The following THBD variants were observed in gnomAD, a reference collection of about 807,000 sequenced individuals.
THBD encodes the protein CD141 antigen.
For missense variants in THBD, 850 were observed against 816.9 expected (o/e 1.04, Z -0.49); for synonymous variants, 449 against 374.2 (o/e 1.20, Z -2.31).
At position 23,047,768 on chromosome 20, in the gene THBD, G is replaced by A. The variant is rs765445275; in HGVS notation, c.*9C>T. The A allele has an allele frequency of 4.5e-6, 7 of 1,572,856 alleles. No individual in the cohort carries two copies. The highest frequency in any genetic ancestry group is 2.3e-5 in the South Asian group (2 of 86,450). ...CCTGGACGGAGCCAGGCTCCTGGAC[G>A]GAGGCCGCTCAGAGTCTCTGCGGCG... On this transcript the variant is annotated 3_prime_UTR_variant, in exon 1 of 1. Transcript: ENST00000377103.
chr20:23,048,596 C>T lies in THBD; in HGVS notation c.909G>A (p.Pro303=), dbSNP rs774593037. 25 of 1,598,754 alleles carry T rather than the reference C, an allele frequency of 1.6e-5. No homozygotes were observed. The highest frequency in any genetic ancestry group is 3.3e-5 in the Admixed American group (2 of 59,886). The change falls in exon 1 of 1, where the codon CCG becomes CCA. Residue 303 remains proline, a synonymous_variant. Coordinates refer to ENST00000377103, the MANE Select transcript of THBD (RefSeq NM_000361.3). ...EHFCVPNPDQ[P]GSYSCMCETG... ...TCTCGCACATGCACGAGTAGGAGCC[C>T]GGCTGGTCGGGGTTGGGAACGCAGA...
chr20:23,048,911 C>G lies in THBD; in HGVS notation c.594G>C (p.Ala198=), dbSNP rs1430635843. Residue 198 remains alanine (A), a synonymous_variant, in exon 1 of 1, where the codon GCG becomes GCC. Coordinates refer to ENST00000377103, the MANE Select transcript of THBD (RefSeq NM_000361.3). ...AVSITYGTPF[A]ARGADFQALP... ...GCGCCTGGAAGTCCGCTCCGCGGGC[C>G]GCGAACGGGGTGCCGTAGGTGATCG... The G allele has an allele frequency of 3.3e-6, 5 of 1,524,558 alleles. No individual in the cohort carries two copies. The highest frequency in any genetic ancestry group is 2.0e-5 in the Admixed American group (1 of 49,918). 94.4% of individuals were successfully genotyped at this position (1,524,558 alleles called of 1,614,324 possible).
rs1198531958 is a variant in THBD at position 23,045,981 on chromosome 20, G to A, written c.*1796C>T. 1.3e-5 allele frequency: 2 copies of A among 152,118 alleles called. No individual in the cohort carries two copies. The highest frequency in any genetic ancestry group is 2.9e-5 in the Non-Finnish European group (2 of 68,026). The allele number at this position is 152,118 out of a possible 1,614,324, so 9.4% of individuals were successfully genotyped here. Reference sequence around the variant, plus strand: ...GGCACTGAGGGAGGAAAAGTGAACAGACACACAACCCGAGAGCACATTGTT... The same window carrying A: ...GGCACTGAGGGAGGAAAAGTGAACAAACACACAACCCGAGAGCACATTGTT... On this transcript the variant is annotated 3_prime_UTR_variant, in exon 1 of 1. Coordinates refer to ENST00000377103, the MANE Select transcript of THBD (RefSeq NM_000361.3).
rs1984677711 is a variant in THBD, at chr20:23,049,311, G to A, written c.194C>T (p.Ser65Leu). ...CAAGGAAATGACATCGGCAGCCACCGAGGAGCGCACTGTCATTAGGTGGCC... is the reference window on the plus strand; with the variant it reads ...CAAGGAAATGACATCGGCAGCCACCAAGGAGCGCACTGTCATTAGGTGGCC... The part of the protein sequence containing the change: ...LRGHLMTVRS[S>L]VAADVISLLL... Residue 65 changes from serine (S) to leucine (L), a missense_variant, in exon 1 of 1, where the codon TCG (serine) becomes TTG (leucine). Ser to Leu is a moderately radical substitution (Grantham distance 145). Transcript: ENST00000377103. 1 of 1,404,158 alleles carries A rather than the reference G, an allele frequency of 7.1e-7. No individual in the cohort carries two copies. Among genetic ancestry groups the A allele is most frequent in the Non-Finnish European group, 9.5e-7 (1 of 1,051,280 alleles). 87.0% of individuals were successfully genotyped at this position (1,404,158 alleles called of 1,614,324 possible). A position where few individuals can be genotyped will look rare whatever the true frequency, so the allele number is the denominator to read the frequency against.
Position 23,049,533 on chromosome 20 carries a change from C to A in THBD, c.-29G>T. The A allele has an allele frequency of 6.5e-7, 1 of 1,532,312 alleles. No individual in the cohort carries two copies. The highest frequency in any genetic ancestry group is 1.2e-5 in the South Asian group (1 of 82,926). The allele number at this position is 1,532,312 out of a possible 1,614,324, so 94.9% of individuals were successfully genotyped here. On this transcript the variant is annotated 5_prime_UTR_variant, in exon 1 of 1. Coordinates refer to ENST00000377103, the MANE Select transcript of THBD (RefSeq NM_000361.3). ...ACCCAGGCGCGCCGCGTGCAGGCGC[C>A]GGGGAAAGCGCGGGCACTGCGACAG...
chr20:23,048,926 G>A lies in THBD; in HGVS notation c.579C>T (p.Tyr193=), dbSNP rs753421741. 11 of 1,536,274 alleles carry A rather than the reference G, an allele frequency of 7.2e-6. No homozygotes were observed. Among genetic ancestry groups the A allele is most frequent in the Admixed American group, 1.9e-5 (1 of 51,354 alleles). Residue 193 remains tyrosine (Y), a synonymous_variant, in exon 1 of 1, where the codon TAC becomes TAT. Coordinates refer to ENST00000377103, the MANE Select transcript of THBD (RefSeq NM_000361.3). Reference sequence around the variant, plus strand: ...CTCCGCGGGCCGCGAACGGGGTGCCGTAGGTGATCGAGACGGCGGCAGCCG... The same window carrying A: ...CTCCGCGGGCCGCGAACGGGGTGCCATAGGTGATCGAGACGGCGGCAGCCG... ...GAAAAAVSIT[Y]GTPFAARGAD...
chr20:23,049,263 A>G lies in THBD; in HGVS notation c.242T>C (p.Val81Ala). Reference sequence around the variant, plus strand: ...GCCGATCCAGAGGCGCCGGCGGCCAACGCCGCCGTCGCCGTTCAGTAGCAA... The same window carrying G: ...GCCGATCCAGAGGCGCCGGCGGCCAGCGCCGCCGTCGCCGTTCAGTAGCAA... ...ISLLLNGDGG[V>A]GRRRLWIGLQ... Residue 81 changes from valine to alanine, a missense_variant, in exon 1 of 1, where the codon GTT becomes GCT. Transcript: ENST00000377103. The G allele has an allele frequency of 7.0e-7, 1 of 1,431,042 alleles. No homozygotes were observed. The highest frequency in any genetic ancestry group is 9.3e-7 in the Non-Finnish European group (1 of 1,078,604). The allele number at this position is 1,431,042 out of a possible 1,614,324, so 88.6% of individuals were successfully genotyped here. A position where few individuals can be genotyped will look rare whatever the true frequency, so the allele number is the denominator to read the frequency against.
rs1226992689 is a variant in THBD at position 23,049,170 on chromosome 20, G to A, written c.335C>T (p.Thr112Met). 5 of 1,579,418 alleles carry A rather than the reference G, an allele frequency of 3.2e-6. No individual in the cohort carries two copies. Among genetic ancestry groups the A allele is most frequent in the East Asian group, 2.3e-5 (1 of 43,732 alleles). ...LGPLRGFQWV[T>M]GDNNTSYSRW... Reference sequence around the variant, plus strand: ...GCTATAGCTGGTGTTGTTGTCTCCCGTAACCCACTGGAAGCCGCGCAGGGG... The same window carrying A: ...GCTATAGCTGGTGTTGTTGTCTCCCATAACCCACTGGAAGCCGCGCAGGGG... The change falls in exon 1 of 1, where the codon ACG (threonine) becomes ATG (methionine). Residue 112 changes from threonine to methionine, a missense_variant. By Grantham distance (81) the Thr-to-Met change is moderately conservative. Transcript: ENST00000377103.
rs751668090 is a variant in THBD, at chr20:23,048,354, G to T, written c.1151C>A (p.Thr384Asn). Residue 384 changes from threonine (T) to asparagine (N), a missense_variant, in exon 1 of 1, where the codon ACT becomes AAT. Transcript: ENST00000377103. ...CEYQCQPLNQ[T>N]SYLCVCAEGF... ...CTCGGCGCAGACGCAGAGGTAGCTAGTTTGGTTCAGGGGCTGGCACTGGTA... is the reference window on the plus strand; with the variant it reads ...CTCGGCGCAGACGCAGAGGTAGCTATTTTGGTTCAGGGGCTGGCACTGGTA... The T allele has an allele frequency of 6.2e-7, 1 of 1,613,868 alleles. No homozygotes were observed. Among genetic ancestry groups the T allele is most frequent in the African/African-American group, 1.3e-5 (1 of 74,938 alleles).
At position 23,049,282 on chromosome 20, in the gene THBD, G is replaced by C; in HGVS notation, c.223C>G (p.Leu75Val). ...SVAADVISLL[L>V]NGDGGVGRRR... ...CGGCCAACGCCGCCGTCGCCGTTCA[G>C]TAGCAAGGAAATGACATCGGCAGCC... Residue 75 changes from leucine to valine, a missense_variant, in exon 1 of 1, where the codon CTG becomes GTG. By Grantham distance (32) the Leu-to-Val change is conservative. Transcript: ENST00000377103. The C allele has an allele frequency of 6.4e-7, 1 of 1,563,390 alleles. No individual in the cohort carries two copies.
rs1000711528 is a variant in THBD, at chr20:23,047,733, G to A, written c.*44C>T. 1 of 1,536,964 alleles carries A rather than the reference G, an allele frequency of 6.5e-7. No individual in the cohort carries two copies. Among genetic ancestry groups the A allele is most frequent in the Non-Finnish European group, 8.8e-7 (1 of 1,140,982 alleles). The stretch of plus-strand genomic sequence containing the variant: ...TTGGTAGCAAAGCTGGGGGTGAGGA[G>A]GCACAGGCTCCTGGACGGAGCCAGG... On this transcript the variant is annotated 3_prime_UTR_variant, in exon 1 of 1. Transcript: ENST00000377103.
rs775671453 is a variant in THBD at position 23,047,986 on chromosome 20, G to A, written c.1519C>T (p.Pro507Ser). 76 of 1,608,570 alleles carry A rather than the reference G, an allele frequency of 4.7e-5. No individual in the cohort carries two copies. Among genetic ancestry groups the A allele is most frequent in the Non-Finnish European group, 6.1e-5 (72 of 1,177,882 alleles). Residue 507 changes from proline to serine, a missense_variant, in exon 1 of 1, where the codon CCT becomes TCT. Pro to Ser is a moderately conservative substitution (Grantham distance 74, BLOSUM62 -1). Transcript: ENST00000377103. ...GAATGCACGAGCCCCACGGCCGGAG[G>A]AGTCAAGGTGGAGCCGGGCGTCGGG... ...PSPTPGSTLT[P>S]PAVGLVHSGL... is the part of the protein sequence containing the mutation.
In THBD at chr20:23,045,863, C is replaced by T. The variant is rs1470035051; in HGVS notation, c.*1914G>A. 6.6e-6 allele frequency: 1 copy of T among 152,128 alleles called. No homozygotes were observed. Among genetic ancestry groups the T allele is most frequent in the Non-Finnish European group, 1.5e-5 (1 of 68,034 alleles). 9.4% of individuals were successfully genotyped at this position (152,128 alleles called of 1,614,324 possible). On this transcript the variant is annotated 3_prime_UTR_variant, in exon 1 of 1. Transcript: ENST00000377103. ...TGAAAATCAGAGATGGTGCCACCAC[C>T]AGACAACACAAGTGCTGGGGTACAG... is the stretch of plus-strand genomic sequence containing the variant.
In THBD at chr20:23,047,746, G is replaced by A. The variant is rs761189965; in HGVS notation, c.*31C>T. 2.6e-6 allele frequency: 4 copies of A among 1,544,290 alleles called. No homozygotes were observed. Among genetic ancestry groups the A allele is most frequent in the Non-Finnish European group, 3.5e-6 (4 of 1,145,010 alleles). On this transcript the variant is annotated 3_prime_UTR_variant, in exon 1 of 1. Transcript: ENST00000377103. ...TGGGGGTGAGGAGGCACAGGCTCCT[G>A]GACGGAGCCAGGCTCCTGGACGGAG...
At position 23,048,816 on chromosome 20, in the gene THBD, G is replaced by T. The variant is rs1490385414; in HGVS notation, c.689C>A (p.Ala230Glu). 2.0e-6 allele frequency: 3 copies of T among 1,519,652 alleles called. No individual in the cohort carries two copies. The highest frequency in any genetic ancestry group is 1.8e-6 in the Non-Finnish European group (2 of 1,139,092). The allele number at this position is 1,519,652 out of a possible 1,614,324, so 94.1% of individuals were successfully genotyped here. A position where few individuals can be genotyped will look rare whatever the true frequency, so the allele number is the denominator to read the frequency against. The part of the protein sequence containing the change: ...LQLMCTAPPG[A>E]VQGHWAREAP... The stretch of plus-strand genomic sequence containing the variant: ...CTCCCTGGCCCAGTGCCCCTGGACC[G>T]CTCCGGGCGGCGCGGTGCACATTAG... The change falls in exon 1 of 1, where the codon GCG becomes GAG. Residue 230 changes from alanine (A) to glutamate (E), a missense_variant. Transcript: ENST00000377103.
In THBD at chr20:23,048,909, G is replaced by A. The variant is rs1032497382; in HGVS notation, c.596C>T (p.Ala199Val). The change falls in exon 1 of 1, where the codon GCC becomes GTC. Residue 199 changes from alanine to valine, a missense_variant. By Grantham distance (64) the Ala-to-Val change is moderately conservative (BLOSUM62 0). Transcript: ENST00000377103. ...CAGCGCCTGGAAGTCCGCTCCGCGG[G>A]CCGCGAACGGGGTGCCGTAGGTGAT... is the stretch of plus-strand genomic sequence containing the variant. ...VSITYGTPFA[A>V]RGADFQALPV... 5.3e-6 allele frequency: 8 copies of A among 1,523,592 alleles called. No homozygotes were observed. The highest frequency in any genetic ancestry group is 2.5e-5 in the East Asian group (1 of 40,434). 94.4% of individuals were successfully genotyped at this position (1,523,592 alleles called of 1,614,324 possible).
At position 23,049,310 on chromosome 20, in the gene THBD, C is replaced by T. The variant is rs1353384819; in HGVS notation, c.195G>A (p.Ser65=). 1 of 1,596,226 alleles carries T rather than the reference C, an allele frequency of 6.3e-7. No homozygotes were observed. The highest frequency in any genetic ancestry group is 8.5e-7 in the Non-Finnish European group (1 of 1,173,012). Residue 65 remains serine, a synonymous_variant, in exon 1 of 1, where the codon TCG becomes TCA. Coordinates refer to ENST00000377103, the MANE Select transcript of THBD (RefSeq NM_000361.3). ...LRGHLMTVRS[S]VAADVISLLL... is the part of the protein sequence containing the mutation. ...GCAAGGAAATGACATCGGCAGCCAC[C>T]GAGGAGCGCACTGTCATTAGGTGGC...
In THBD at chr20:23,049,642, C is replaced by A; in HGVS notation, c.-138G>T. The A allele has an allele frequency of 1.6e-6, 2 of 1,214,748 alleles. No homozygotes were observed. Among genetic ancestry groups the A allele is most frequent in the Non-Finnish European group, 1.2e-6 (1 of 848,820 alleles). The allele number at this position is 1,214,748 out of a possible 1,614,324, so 75.2% of individuals were successfully genotyped here. ...CCAGCCCAGACACTTCTTGCCGCTG[C>A]GCGCAGCCCCTGCGAGGCAGCCTCT... is the stretch of plus-strand genomic sequence containing the variant. On this transcript the variant is annotated 5_prime_UTR_variant, in exon 1 of 1. Transcript: ENST00000377103.
Position 23,048,941 on chromosome 20 carries a change from G to T in THBD, c.564C>A (p.Ala188=). The T allele has an allele frequency of 1.3e-6, 2 of 1,541,026 alleles. No homozygotes were observed. The highest frequency in any genetic ancestry group is 1.7e-6 in the Non-Finnish European group (2 of 1,146,338). The change falls in exon 1 of 1, where the codon GCC becomes GCA. Residue 188 remains alanine, a synonymous_variant. Coordinates refer to ENST00000377103, the MANE Select transcript of THBD (RefSeq NM_000361.3). ...ACGGGGTGCCGTAGGTGATCGAGAC[G>T]GCGGCAGCCGCGGCGCCGGGCTCCA... The part of the protein sequence containing the change: ...LAVEPGAAAA[A]VSITYGTPFA...
Sources: gnomAD v4.1 joint callset for allele counts on GRCh38, gnomAD v4.1.1 for gene constraint, MANE v1.5 for transcripts, NCBI Gene and HGNC (gene_info 2026-07-23, HGNC 2026-07-21) for gene names.